DNAH9: variants seen among roughly 807,000 people sequenced by gnomAD.
DNAH9 encodes DNAH9 variant protein.
A neutral mutation model predicts 471.6 loss-of-function variants in DNAH9; 345 were observed. That is an observed-to-expected ratio of 0.73 (90% CI 0.67 to 0.80). DNAH9 has a LOEUF of 0.80. DNAH9 is among the 30% of genes least tolerant of loss of function. The pLI, the probability that DNAH9 is intolerant of heterozygous loss-of-function variation, is 0.00. For missense variants in DNAH9, 5,407 were observed against 5,609.2 expected (o/e 0.96, Z 1.15); for synonymous variants, 2,093 against 2,123.6 (o/e 0.99, Z 0.40).
At chr17:11,847,979 T>C (rs2073277249) in intron 49 of DNAH9, among the ~76,000 whole-genome samples, 1 of 151,850 alleles carries the variant, frequency 6.6e-6, no homozygotes, top group African/African-American at 2.4e-5. Context: ...TCTCTGTCTC[T>C]GTCTCTCCAG....
Position 11,875,101 on chromosome 17 carries a change from G to T in DNAH9, c.10395G>T (p.Met3465Ile). Residue 3465 changes from methionine (M) to isoleucine (I), a missense_variant, in exon 53 of 69, where the codon ATG (methionine) becomes ATT (isoleucine). Around this residue, in one of 3 missense-constraint regions of DNAH9, gnomAD observed 4,636 missense variants for 4,900.3 expected, o/e 0.95. Coordinates refer to ENST00000262442, the MANE Select transcript of DNAH9 (RefSeq NM_001372.4). ...ILINCERWPL[M>I]VDPQLQGIKW... ...TCAACTGTGAGCGCTGGCCACTCAT[G>T]GTTGACCCTCAGCTACAAGGCATCA... 1 of 1,614,158 alleles carries T rather than the reference G, an allele frequency of 6.2e-7. No individual in the cohort carries two copies. Among genetic ancestry groups the T allele is most frequent in the Non-Finnish European group, 8.5e-7 (1 of 1,180,026 alleles).
At chr17:11,611,895 C>G in intron 4 of DNAH9, 115 bp downstream of exon 4, 1 of 985,742 alleles carries the variant, frequency 1.0e-6, no homozygotes, top group Non-Finnish European at 1.6e-6. Flanking sequence ...ATTTCCGACC[C>G]GACACAAACT....
chr17:11,745,859 TTGTG>T (rs142398071), intron 31 of DNAH9, among the ~76,000 whole-genome samples: 73 of 151,650 alleles, frequency 4.8e-4, no homozygotes, highest in Non-Finnish European at 1.9e-4. Context: ...GTATTATGTA[TTGTG>T]TGTGTGTGTG....
At chr17:11,687,591 C>T (rs113060078) in intron 19 of DNAH9, among the ~76,000 whole-genome samples, 3,676 of 152,174 alleles carry the variant, frequency 0.024, 150 homozygotes, top group African/African-American at 0.083. Flanking sequence ...TGGGAGGAAA[C>T]GGCCGATTCT....
chr17:11,743,324 C>T (rs117744738), intron 30 of DNAH9, among the ~76,000 whole-genome samples: 12,682 of 152,228 alleles, frequency 0.083, 687 homozygotes, highest in Non-Finnish European at 0.11. Flanking sequence ...AGTCTCATTT[C>T]CTTTCCCTAT....
intron 6 of DNAH9, among the ~76,000 whole-genome samples, chr17:11,627,001 A>G (rs991591752): frequency 6.6e-6 from 1 of 152,278 alleles, no homozygotes; most frequent in East Asian, 1.9e-4. Flanking sequence ...CAAATAGTAT[A>G]ATATAATGCC....
chr17:11,925,999 C>A (rs1221154872), intron 62 of DNAH9, among the ~76,000 whole-genome samples: 3 of 116,778 alleles, frequency 2.6e-5, no homozygotes, highest in African/African-American at 6.7e-5. Flanking sequence ...TCCTACCCAG[C>A]AATGTTTCCC....
chr17:11,948,782 TAAAC>T (rs1458352424), intron 67 of DNAH9, among the ~76,000 whole-genome samples: 1 of 152,112 alleles, frequency 6.6e-6, no homozygotes, highest in African/African-American at 2.4e-5. Flanking sequence ...CCCAGTGTCT[TAAAC>T]AAATGAAAGC....
At position 11,629,480 on chromosome 17, in the gene DNAH9, G is replaced by A. The variant is rs1302596776; in HGVS notation, c.1414G>A (p.Gly472Arg). Residue 472 changes from glycine (G) to arginine (R), a missense_variant, in exon 7 of 69, where the codon GGG (glycine) becomes AGG (arginine). Around this residue, in one of 3 missense-constraint regions of DNAH9, gnomAD observed 767 missense variants for 692.5 expected, o/e 1.11. Coordinates refer to ENST00000262442, the MANE Select transcript of DNAH9 (RefSeq NM_001372.4). ...AAAGGTGGAGTTCAGCGGCGTCAGA[G>A]GGAATGCTCTGAGTCAGCAGGTCCA... Reference protein sequence around the residue: ...LGKVEFSGVRGNALSQQVQQM... With the variant: ...LGKVEFSGVRRNALSQQVQQM... The A allele has an allele frequency of 6.2e-6, 10 of 1,614,058 alleles. No homozygotes were observed. The Admixed American group carries it at 8.3e-5, about 13-fold the overall frequency.
intron 67 of DNAH9, among the ~76,000 whole-genome samples, chr17:11,948,832 C>G (rs1231885391): frequency 6.6e-6 from 1 of 152,198 alleles, no homozygotes; most frequent in Non-Finnish European, 1.5e-5. Flanking sequence ...GTAGAAAAAA[C>G]AGAGAGGAGC....
At chr17:11,767,020 G>A (rs1207208768) in intron 36 of DNAH9, among the ~76,000 whole-genome samples, 1 of 152,008 alleles carries the variant, frequency 6.6e-6, no homozygotes, top group Non-Finnish European at 1.5e-5. Context: ...CACTGGACTG[G>A]CCCAGCAGAG....
intron 50 of DNAH9, among the ~76,000 whole-genome samples, chr17:11,866,794 G>A (rs4528614): frequency 0.43 from 66,042 of 152,076 alleles, 14,752 homozygotes; most frequent in Admixed American, 0.56. Context: ...AGCAATCAGC[G>A]AGATTCTGTG....
chr17:11,927,755 T>C (rs1974379609), intron 62 of DNAH9, among the ~76,000 whole-genome samples: 1 of 152,212 alleles, frequency 6.6e-6, no homozygotes, highest in East Asian at 1.9e-4. Flanking sequence ...TTCCTGGCTG[T>C]AGGAGCTATT....
chr17:11,890,394 A>C (rs1012417556), intron 57 of DNAH9, among the ~76,000 whole-genome samples: 1 of 152,242 alleles, frequency 6.6e-6, no homozygotes, highest in Non-Finnish European at 1.5e-5. Context: ...ATAAGGAAGA[A>C]AGACTGCAAA....
intron 14 of DNAH9, among the ~76,000 whole-genome samples, chr17:11,654,983 G>A (rs1464661980): frequency 6.6e-6 from 1 of 152,036 alleles, no homozygotes; most frequent in East Asian, 1.9e-4. Flanking sequence ...AATAATGTTT[G>A]CCTTTTGATA....
At chr17:11,665,269 AG>A (rs1307948062) in intron 15 of DNAH9, among the ~76,000 whole-genome samples, 1 of 152,238 alleles carries the variant, frequency 6.6e-6, no homozygotes, top group African/African-American at 2.4e-5. Context: ...GACCACGTTA[AG>A]AAGCAGGAAG....
intron 67 of DNAH9, among the ~76,000 whole-genome samples, chr17:11,960,754 G>A (rs1021367894): frequency 1.6e-4 from 24 of 151,730 alleles, no homozygotes; most frequent in African/African-American, 4.4e-4. Flanking sequence ...GCAAGACACC[G>A]TCTCCAGAAA....
chr17:11,612,050 C>G (rs1159600152), intron 4 of DNAH9: 9 of 594,834 alleles, frequency 1.5e-5, no homozygotes, highest in African/African-American at 1.5e-4. Flanking sequence ...GGGGCATACA[C>G]TTCTGCCTAC....
chr17:11,793,643 A>G lies in DNAH9; in HGVS notation c.8202A>G (p.Glu2734=). 6.2e-7 allele frequency: 1 copy of G among 1,612,154 alleles called. No individual in the cohort carries two copies. Residue 2734 remains glutamate (E), a synonymous_variant, in exon 42 of 69, where the codon GAA becomes GAG. Coordinates refer to ENST00000262442, the MANE Select transcript of DNAH9 (RefSeq NM_001372.4). The part of the protein sequence containing the change: ...DFDLFDKIQT[E]VLKKTFDDIE... ...ATCTTTTTGATAAAATCCAGACAGA[A>G]GTGCTCAAGAAAACTTTTGATGTGA...
Sources: allele counts gnomAD v4.1 joint callset (sites outside exome capture counted in the v4.1 genomes callset), GRCh38; gene constraint gnomAD v4.1.1; regional missense constraint gnomAD v4.1.1; transcripts MANE v1.5; gene names NCBI Gene and HGNC (gene_info 2026-07-23, HGNC 2026-07-21).